MAGI1: variants seen among roughly 807,000 people sequenced by gnomAD.
MAGI1 encodes membrane associated guanylate kinase, WW and PDZ domain containing 1.
A neutral mutation model predicts 139.9 loss-of-function variants in MAGI1; 58 were observed. That is an observed-to-expected ratio of 0.41 (90% CI 0.34 to 0.52). The LOEUF is 0.52. Among genes scored for constraint, MAGI1 ranks in the 20% least tolerant of loss-of-function variants. The probability of loss-of-function intolerance (pLI) is 0.12; values close to 1 mark genes in which losing one functional copy is unlikely to be tolerated. For synonymous variants in MAGI1, 812 were observed against 737.9 expected (o/e 1.10, Z -1.63); for missense variants, 1,874 against 1,901.6 (o/e 0.99, Z 0.27).
chr3:65,563,070 C>A lies in MAGI1; in HGVS notation c.430+58902G>T, dbSNP rs1180767317. Among the ~76,000 whole-genome samples the A allele has an allele frequency of 2.6e-5, 4 of 152,208 alleles. No individual in the cohort carries two copies. In the East Asian group the frequency reaches 7.7e-4, roughly 29 times the overall value. ...AGTGCTTTAGATTTTTTATGACTTC[C>A]CTTTATATTTTACAGTCTTTACGTA... On this transcript the variant is annotated intron_variant, in intron 2 of 22. Transcript: ENST00000402939.
chr3:65,862,568 G>C (rs113631035), intron 1 of MAGI1, among the ~76,000 whole-genome samples: 1 of 152,140 alleles, frequency 6.6e-6, no homozygotes, highest in African/African-American at 2.4e-5. Flanking sequence ...CACATGTAAC[G>C]TGGTGGGACC....
intron 1 of MAGI1, among the ~76,000 whole-genome samples, chr3:65,841,997 A>G (rs1171271981): frequency 6.6e-6 from 1 of 152,222 alleles, no homozygotes; most frequent in African/African-American, 2.4e-5. Flanking sequence ...TACTAACAAA[A>G]TATCTAAATA....
chr3:65,557,486 C>G (rs890185520), intron 2 of MAGI1, among the ~76,000 whole-genome samples: 1 of 152,122 alleles, frequency 6.6e-6, no homozygotes, highest in Non-Finnish European at 1.5e-5. Flanking sequence ...GCTATACCAC[C>G]CCTGGATTCC....
intron 3 of MAGI1, among the ~76,000 whole-genome samples, chr3:65,488,285 T>C (rs1951755447): frequency 6.6e-6 from 1 of 152,198 alleles, no homozygotes; most frequent in South Asian, 2.1e-4. Flanking sequence ...AAGCTTTCTA[T>C]AAGCTTCTGG....
intron 1 of MAGI1, among the ~76,000 whole-genome samples, chr3:65,881,665 T>G (rs1478275163): frequency 6.6e-6 from 1 of 152,106 alleles, no homozygotes; most frequent in Admixed American, 6.5e-5. Flanking sequence ...ATGAGTATAA[T>G]AAGCTCATCA....
At chr3:65,658,276 G>C (rs1447485477) in intron 1 of MAGI1, among the ~76,000 whole-genome samples, 1 of 76,122 alleles carries the variant, frequency 1.3e-5, no homozygotes, top group Non-Finnish European at 3.4e-5. Flanking sequence ...AAATATCACT[G>C]TTGACTTTTA....
chr3:65,515,691 C>A (rs929206375), intron 2 of MAGI1, among the ~76,000 whole-genome samples: 1 of 152,316 alleles, frequency 6.6e-6, no homozygotes, highest in African/African-American at 2.4e-5. Context: ...TCTATGGCAC[C>A]AACCCATGGC....
intron 10 of MAGI1, among the ~76,000 whole-genome samples, chr3:65,431,870 G>C (rs1299950851): frequency 1.3e-5 from 2 of 152,066 alleles, no homozygotes; most frequent in Admixed American, 1.3e-4. Context: ...GTGGATGCCT[G>C]TAATCCCAGC....
At chr3:65,609,245 A>G (rs985437893) in intron 2 of MAGI1, among the ~76,000 whole-genome samples, 1 of 151,616 alleles carries the variant, frequency 6.6e-6, no homozygotes, top group African/African-American at 2.4e-5. Flanking sequence ...ATAACTTGCT[A>G]TATTTATTTC....
At chr3:65,660,629 A>T (rs1532564) in intron 1 of MAGI1, among the ~76,000 whole-genome samples, 49,760 of 152,144 alleles carry the variant, frequency 0.33, 9,237 homozygotes, top group East Asian at 0.6. Context: ...TGAACCCAAT[A>T]TTTGTTCTTA....
intron 1 of MAGI1, among the ~76,000 whole-genome samples, chr3:65,906,219 G>C (rs999354533): frequency 6.6e-6 from 1 of 152,192 alleles, no homozygotes; most frequent in Non-Finnish European, 1.5e-5. Context: ...GAGACTGATG[G>C]TCTGAAGTGA....
At chr3:65,382,928 C>A (rs1024851907) in intron 15 of MAGI1, among the ~76,000 whole-genome samples, 1 of 152,136 alleles carries the variant, frequency 6.6e-6, no homozygotes. Flanking sequence ...CTGTTATTAC[C>A]ACAAGGAAAT....
intron 5 of MAGI1, 36 bp from the exon 6 acceptor site, chr3:65,453,376 A>G (rs767206873): frequency 1.2e-4 from 33 of 281,038 alleles, no homozygotes; most frequent in Middle Eastern, 1.1e-3. Context: ...AATTTGTTTG[A>G]AAAAAAAAAA....
At chr3:65,537,650 T>C (rs1402948025) in intron 2 of MAGI1, among the ~76,000 whole-genome samples, 1 of 152,126 alleles carries the variant, frequency 6.6e-6, no homozygotes, top group African/African-American at 2.4e-5. Context: ...CAGGAAATCA[T>C]TGCTGGATTA....
intron 1 of MAGI1, among the ~76,000 whole-genome samples, chr3:65,737,759 A>C (rs2034899718): frequency 6.6e-6 from 1 of 152,170 alleles, no homozygotes; most frequent in Non-Finnish European, 1.5e-5. Flanking sequence ...AGGAAGTGAG[A>C]TCACTAAATT....
intron 2 of MAGI1, among the ~76,000 whole-genome samples, chr3:65,586,624 T>G (rs2081697936): frequency 6.6e-6 from 1 of 152,016 alleles, no homozygotes; most frequent in Non-Finnish European, 1.5e-5. Flanking sequence ...ACAAAAATAC[T>G]AAATACACAA....
At chr3:65,727,462 T>C (rs1348949887) in intron 1 of MAGI1, among the ~76,000 whole-genome samples, 1 of 152,196 alleles carries the variant, frequency 6.6e-6, no homozygotes, top group East Asian at 1.9e-4. Context: ...ACTTCTGTGT[T>C]CGAGCAATCC....
intron 1 of MAGI1, among the ~76,000 whole-genome samples, chr3:65,793,398 T>C (rs79915733): frequency 2.0e-5 from 3 of 152,214 alleles, no homozygotes; most frequent in African/African-American, 7.2e-5. Context: ...ATTAAACCAA[T>C]TACTTTCCAC....
intron 2 of MAGI1, among the ~76,000 whole-genome samples, chr3:65,506,051 G>A (rs569184692): frequency 1.2e-4 from 19 of 152,200 alleles, no homozygotes; most frequent in African/African-American, 3.6e-4. Context: ...ATGTTATGTC[G>A]TTTTCCTAAA....
Sources: allele counts gnomAD v4.1 joint callset (sites outside exome capture counted in the v4.1 genomes callset), GRCh38; gene constraint gnomAD v4.1.1; transcripts MANE v1.5; gene names NCBI Gene and HGNC (gene_info 2026-07-23, HGNC 2026-07-21).